Variants in PXDNL observed in about 807,000 individuals in gnomAD.
PXDNL encodes the protein peroxidasin like.
A neutral mutation model predicts 150.8 loss-of-function variants in PXDNL; 145 were observed. The ratio of observed to expected loss-of-function variants is 0.96; its 90% CI spans 0.84 to 1.10. PXDNL has a LOEUF of 1.10. PXDNL is among the 50% of genes least tolerant of loss of function. PXDNL has a pLI of 0.00. For missense variants in PXDNL, 2,087 were observed against 1,873.9 expected (o/e 1.11, Z -2.10); for synonymous variants, 757 against 725.7 (o/e 1.04, Z -0.69).
intron 4 of PXDNL, among the ~76,000 whole-genome samples, chr8:51,552,173 A>G (rs1812502344): frequency 6.6e-6 from 1 of 152,190 alleles, no homozygotes; most frequent in African/African-American, 2.4e-5. Flanking sequence ...TTAAAAAACC[A>G]AAAAATATCA....
chr8:51,526,352 T>G (rs561934591), intron 4 of PXDNL, among the ~76,000 whole-genome samples: 1 of 152,284 alleles, frequency 6.6e-6, no homozygotes, highest in South Asian at 2.1e-4. Flanking sequence ...TTTTTCTTTT[T>G]TTTTTAAATT....
At chr8:51,378,517 G>A (rs1010610496) in intron 17 of PXDNL, among the ~76,000 whole-genome samples, 1 of 152,210 alleles carries the variant, frequency 6.6e-6, no homozygotes, top group African/African-American at 2.4e-5. Flanking sequence ...GGCCAGAAAA[G>A]GGTGAAAAAG....
At chr8:51,722,507 A>G (rs1816750235) in intron 1 of PXDNL, among the ~76,000 whole-genome samples, 2 of 152,204 alleles carry the variant, frequency 1.3e-5, no homozygotes, top group Non-Finnish European at 2.9e-5. Context: ...TTCAGCATCC[A>G]GGAAGAATCA....
At chr8:51,458,600 A>T (rs986749928) in intron 8 of PXDNL, among the ~76,000 whole-genome samples, 1 of 152,226 alleles carries the variant, frequency 6.6e-6, no homozygotes, top group Non-Finnish European at 1.5e-5. Flanking sequence ...CCATAAAAAC[A>T]TCATTCCCAG....
intron 2 of PXDNL, among the ~76,000 whole-genome samples, chr8:51,596,404 G>T (rs1813564520): frequency 6.6e-6 from 1 of 152,048 alleles, no homozygotes; most frequent in East Asian, 1.9e-4. Context: ...TTTTCTTTTG[G>T]ATATATACCC....
chr8:51,323,019 T>C (rs1288417188), intron 21 of PXDNL, among the ~76,000 whole-genome samples: 2 of 152,168 alleles, frequency 1.3e-5, no homozygotes, highest in African/African-American at 4.8e-5. Flanking sequence ...ATGACAAGGC[T>C]TCACAATAAC....
At chr8:51,418,948 G>A (rs1373234480) in intron 14 of PXDNL, among the ~76,000 whole-genome samples, 6 of 152,184 alleles carry the variant, frequency 3.9e-5, no homozygotes, top group Admixed American at 2.0e-4. Flanking sequence ...TTTTAGGGAA[G>A]GAAAGACGAG....
chr8:51,533,912 C>T (rs555113855), intron 4 of PXDNL, among the ~76,000 whole-genome samples: 3,632 of 151,264 alleles, frequency 0.024, 71 homozygotes, highest in Middle Eastern at 0.051. Flanking sequence ...GCCACCCCGT[C>T]TGGGAAGTGA....
intron 1 of PXDNL, among the ~76,000 whole-genome samples, chr8:51,773,584 A>G (rs2037322411): frequency 1.3e-5 from 2 of 152,220 alleles, no homozygotes; most frequent in Admixed American, 6.5e-5. Flanking sequence ...TTTGTTCCCA[A>G]GCTTCCATCT....
intron 1 of PXDNL, among the ~76,000 whole-genome samples, chr8:51,764,366 C>T (rs2037201761): frequency 7.1e-6 from 1 of 140,102 alleles, no homozygotes; most frequent in South Asian, 2.3e-4. Context: ...TTCAGTTTGC[C>T]TTTCTTTTTC....
At chr8:51,596,183 G>T (rs994659759) in intron 2 of PXDNL, among the ~76,000 whole-genome samples, 4 of 151,994 alleles carry the variant, frequency 2.6e-5, no homozygotes, top group African/African-American at 9.7e-5. Context: ...AATTCACTTA[G>T]GATAATGACT....
intron 19 of PXDNL, among the ~76,000 whole-genome samples, chr8:51,352,384 T>C (rs1265921225): frequency 2.0e-5 from 3 of 152,116 alleles, no homozygotes; most frequent in African/African-American, 7.2e-5. Flanking sequence ...ATATACACCA[T>C]GGATAATATG....
intron 1 of PXDNL, among the ~76,000 whole-genome samples, chr8:51,800,136 G>C (rs1256948424): frequency 6.6e-6 from 1 of 152,074 alleles, no homozygotes; most frequent in African/African-American, 2.4e-5. Context: ...GTGGTCCACA[G>C]CACTCTTAGA....
At chr8:51,376,114 T>A (rs73579645) in intron 17 of PXDNL, among the ~76,000 whole-genome samples, 1 of 152,138 alleles carries the variant, frequency 6.6e-6, no homozygotes, top group Non-Finnish European at 1.5e-5. Context: ...CCATAATGAG[T>A]ACACGGAATT....
At chr8:51,329,118 C>G (rs1270193356) in intron 21 of PXDNL, among the ~76,000 whole-genome samples, 3 of 152,166 alleles carry the variant, frequency 2.0e-5, no homozygotes, top group Admixed American at 6.6e-5. Flanking sequence ...TGGAGCAATG[C>G]TTGTGAAAAT....
intron 1 of PXDNL, among the ~76,000 whole-genome samples, chr8:51,710,203 T>C (rs958245628): frequency 1.3e-5 from 2 of 152,222 alleles, no homozygotes; most frequent in African/African-American, 4.8e-5. Flanking sequence ...CCAGACAAAA[T>C]CTGTCTTGCT....
chr8:51,575,406 A>T (rs961256952), intron 3 of PXDNL, among the ~76,000 whole-genome samples: 2 of 151,890 alleles, frequency 1.3e-5, no homozygotes, highest in Admixed American at 1.3e-4. Flanking sequence ...ATCAATAATT[A>T]CATTAAATAA....
At chr8:51,566,256 T>A (rs1456308725) in intron 3 of PXDNL, among the ~76,000 whole-genome samples, 1 of 151,862 alleles carries the variant, frequency 6.6e-6, no homozygotes, top group Admixed American at 6.6e-5. Context: ...TTATTTCCTG[T>A]AATATATTTT....
chr8:51,438,296 C>T (rs2129859533), intron 12 of PXDNL, among the ~76,000 whole-genome samples: 1 of 151,906 alleles, frequency 6.6e-6, no homozygotes, highest in South Asian at 2.1e-4. Context: ...TCATTCTTCA[C>T]AGAACTAAAA....
Sources: allele counts gnomAD v4.1 joint callset (sites outside exome capture counted in the v4.1 genomes callset), GRCh38; gene constraint gnomAD v4.1.1; transcripts MANE v1.5; gene names NCBI Gene and HGNC (gene_info 2026-07-23, HGNC 2026-07-21).